TMEM132D: variants seen among roughly 807,000 people sequenced by gnomAD.
TMEM132D encodes the protein transmembrane protein 132D.
TMEM132D carries 21 observed loss-of-function variants against 62.3 expected under a neutral mutation model. That is an observed-to-expected ratio of 0.34 (90% CI 0.24 to 0.49). TMEM132D has a LOEUF of 0.49. TMEM132D is among the 20% of genes least tolerant of loss of function. The probability of loss-of-function intolerance (pLI) is 0.99; values close to 1 mark genes in which losing one functional copy is unlikely to be tolerated. For missense variants in TMEM132D, 1,346 were observed against 1,402.8 expected, an observed-to-expected ratio of 0.96 and a Z score of 0.65; for synonymous variants, 621 against 575.6, an observed-to-expected ratio of 1.08 and a Z score of -1.13.
chr12:129,244,882 C>T (rs1357215933), intron 4 of TMEM132D, among the ~76,000 whole-genome samples: 1 of 152,084 alleles, frequency 6.6e-6, no homozygotes, highest in African/African-American at 2.4e-5. Context: ...CTCAGGTGAT[C>T]CACCTGCCTC....
intron 1 of TMEM132D, among the ~76,000 whole-genome samples, chr12:129,721,726 T>C (rs1024211767): frequency 6.6e-6 from 1 of 152,144 alleles, no homozygotes; most frequent in Non-Finnish European, 1.5e-5. Context: ...GGATCCTGCA[T>C]GTACGGACCC....
At chr12:129,544,305 T>C (rs141838195) in intron 2 of TMEM132D, among the ~76,000 whole-genome samples, 1 of 152,362 alleles carries the variant, frequency 6.6e-6, no homozygotes, top group African/African-American at 2.4e-5. Flanking sequence ...ATTAGGAAAT[T>C]GATTTGTAAG....
Position 129,728,617 on chromosome 12 carries a change from G to A in TMEM132D, c.80-27919C>T, listed in dbSNP as rs148579405. On this transcript the variant is annotated intron_variant, in intron 1 of 8. Coordinates refer to ENST00000422113, the MANE Select transcript of TMEM132D (RefSeq NM_133448.3). ...TCTTTTAATTTTGGGAGTAAATTCC[G>A]TTTCCCCAGGTTCAGGCTCTGGCCA... 1.3e-3 allele frequency among the ~76,000 whole-genome samples: 197 copies of A among 152,284 alleles called. 1 individual carries two copies. Among genetic ancestry groups the A allele is most frequent in the African/African-American group, 4.3e-3 (178 of 41,550 alleles).
At position 129,482,891 on chromosome 12, in the gene TMEM132D, G is replaced by A. The variant is rs1045804675; in HGVS notation, c.1115+48168C>T. On this transcript the variant is annotated intron_variant, in intron 3 of 8. Transcript: ENST00000422113. ...ACAGTTAATTGGCTCTCTTCCTAGC[G>A]TGCTCCTTTGAAAAGAGCAAACATC... Among the ~76,000 whole-genome samples, 13 of 151,466 alleles carry A rather than the reference G, an allele frequency of 8.6e-5. No homozygotes were observed. The East Asian group carries it at 1.2e-3, about 14-fold the overall frequency.
At chr12:129,695,651 GA>G (rs1344087444) in intron 2 of TMEM132D, among the ~76,000 whole-genome samples, 1 of 152,242 alleles carries the variant, frequency 6.6e-6, no homozygotes, top group East Asian at 1.9e-4. Context: ...AGGGTAATTC[GA>G]GGAACCATTT....
intron 2 of TMEM132D, among the ~76,000 whole-genome samples, chr12:129,543,117 AGATGGATG>A (rs575079072): frequency 1.4e-5 from 2 of 141,054 alleles, no homozygotes; most frequent in African/African-American, 2.7e-5. Context: ...ATAGATGGAT[AGATGGATG>A]GATGGATGGA....
At chr12:129,078,449 G>T in intron 8 of TMEM132D, 85 bp downstream of exon 8, 1 of 1,396,408 alleles carries the variant, frequency 7.2e-7, no homozygotes, top group Non-Finnish European at 9.8e-7. Flanking sequence ...TCTATTGTGC[G>T]ACCCGCCTGG....
At chr12:129,594,697 G>T (rs951531381) in intron 2 of TMEM132D, among the ~76,000 whole-genome samples, 27 of 152,168 alleles carry the variant, frequency 1.8e-4, no homozygotes, top group African/African-American at 2.4e-5. Flanking sequence ...TGGGCACTTT[G>T]CCTTTTTATA....
intron 3 of TMEM132D, among the ~76,000 whole-genome samples, chr12:129,353,512 C>A (rs1869941097): frequency 6.6e-6 from 1 of 152,020 alleles, no homozygotes; most frequent in Non-Finnish European, 1.5e-5. Context: ...ATCGCTGAGT[C>A]AAATAGGTAG....
intron 5 of TMEM132D, among the ~76,000 whole-genome samples, chr12:129,157,018 C>T (rs551542277): frequency 6.6e-6 from 1 of 152,210 alleles, no homozygotes; most frequent in Non-Finnish European, 1.5e-5. Context: ...TCAACCCACT[C>T]TTGAGATAAT....
chr12:129,578,836 C>A (rs990323527), intron 2 of TMEM132D, among the ~76,000 whole-genome samples: 1 of 152,164 alleles, frequency 6.6e-6, no homozygotes, highest in African/African-American at 2.4e-5. Flanking sequence ...AGACCTTCAA[C>A]GGGTTGGAGC....
chr12:129,196,134 G>GA lies in TMEM132D; in HGVS notation c.1443+13385dup, dbSNP rs796881787. On this transcript the variant is annotated intron_variant, in intron 5 of 8. Coordinates refer to ENST00000422113, the MANE Select transcript of TMEM132D (RefSeq NM_133448.3). ...AGAGTGAGACTCCATCTCAAAAAAA[G>GA]AAAAAAAAAAGAGTTTATGGATCTT... is the stretch of plus-strand genomic sequence containing the variant. Among the ~76,000 whole-genome samples, 1,329 of 146,954 alleles carry GA rather than the reference G, an allele frequency of 9.0e-3. 20 individuals are homozygous for GA. The highest frequency in any genetic ancestry group is 0.031 in the African/African-American group (1,232 of 40,128).
chr12:129,528,513 T>TCAG (rs1471519467), intron 3 of TMEM132D, among the ~76,000 whole-genome samples: 1 of 152,028 alleles, frequency 6.6e-6, no homozygotes, highest in Non-Finnish European at 1.5e-5. Context: ...TCTCCCAGCT[T>TCAG]CCCAGTTCTC....
intron 5 of TMEM132D, among the ~76,000 whole-genome samples, chr12:129,143,351 C>T (rs1031811047): frequency 4.6e-5 from 7 of 152,170 alleles, no homozygotes; most frequent in South Asian, 2.1e-4. Context: ...GGGGAGGGGG[C>T]ATGGAGCTTT....
chr12:129,720,806 T>C (rs553587390), intron 1 of TMEM132D, among the ~76,000 whole-genome samples: 1 of 152,348 alleles, frequency 6.6e-6, no homozygotes, highest in African/African-American at 2.4e-5. Context: ...AACGTATCAA[T>C]AATCAATAAT....
In TMEM132D at chr12:129,827,104, A is replaced by G. The variant is rs1433937850; in HGVS notation, c.79+76157T>C. ...TCATTATTTGGTGGTTCAGAAGGCA[A>G]TTTAACATCTCATAACAATCACTCT... is the stretch of plus-strand genomic sequence containing the variant. On this transcript the variant is annotated intron_variant, in intron 1 of 8. Transcript: ENST00000422113. The surrounding 1 kb of genome is among the most constrained non-coding windows in gnomAD (Gnocchi z 9.7). Among the ~76,000 whole-genome samples the G allele has an allele frequency of 2.6e-5, 4 of 152,226 alleles. No homozygotes were observed. The highest frequency in any genetic ancestry group is 1.5e-5 in the Non-Finnish European group (1 of 68,042).
intron 5 of TMEM132D, among the ~76,000 whole-genome samples, chr12:129,095,638 C>A (rs1875086502): frequency 6.6e-6 from 1 of 152,142 alleles, no homozygotes; most frequent in Non-Finnish European, 1.5e-5. Flanking sequence ...AGGTGTGAGC[C>A]ACTGTGCCTG....
intron 1 of TMEM132D, among the ~76,000 whole-genome samples, chr12:129,782,267 G>C (rs1871141104): frequency 6.6e-6 from 1 of 152,178 alleles, no homozygotes; most frequent in Admixed American, 6.5e-5. Context: ...GAAGTTTCCA[G>C]TTTTGGAGCA....
At chr12:129,737,170 G>A (rs1869453875) in intron 1 of TMEM132D, among the ~76,000 whole-genome samples, 1 of 152,164 alleles carries the variant, frequency 6.6e-6, no homozygotes, top group Non-Finnish European at 1.5e-5. Flanking sequence ...AGAATTCTTT[G>A]TTGTGGAGAG....
Sources: gnomAD v4.1 joint callset for allele counts (sites outside exome capture counted in the v4.1 genomes callset) on GRCh38, gnomAD v4.1.1 for gene constraint, Gnocchi (gnomAD v3.1) non-coding constraint, MANE v1.5 for transcripts, NCBI Gene and HGNC (gene_info 2026-07-23, HGNC 2026-07-21) for gene names.